Variants in DDX60 observed in about 807,000 individuals in gnomAD.
DDX60 encodes probable ATP-dependent RNA helicase DDX60.
A neutral mutation model predicts 212.8 loss-of-function variants in DDX60; 165 were observed. The ratio of observed to expected loss-of-function variants is 0.78; its 90% CI spans 0.68 to 0.88. The LOEUF (loss-of-function observed/expected upper bound fraction) is 0.88. Among genes scored for constraint, DDX60 ranks in the 40% least tolerant of loss-of-function variants. DDX60 has a pLI of 0.00. For missense variants in DDX60, 1,905 were observed against 2,003.9 expected, an observed-to-expected ratio of 0.95 and a Z score of 0.94; for synonymous variants, 703 against 685.3, an observed-to-expected ratio of 1.03 and a Z score of -0.40.
intron 22 of DDX60, among the ~76,000 whole-genome samples, chr4:168,264,755 T>G (rs952514601): frequency 1.3e-5 from 2 of 152,178 alleles, no homozygotes; most frequent in African/African-American, 2.4e-5. Flanking sequence ...CCCTTATAGT[T>G]CTTAATCTTT....
chr4:168,319,634 G>T (rs1031381781), upstream of DDX60, among the ~76,000 whole-genome samples: 1 of 152,142 alleles, frequency 6.6e-6, no homozygotes, highest in Admixed American at 6.5e-5. Flanking sequence ...GTTGATACTT[G>T]CAGTGTGGGT....
At chr4:168,301,339 C>T (rs1483840226) in intron 6 of DDX60, among the ~76,000 whole-genome samples, 2 of 150,122 alleles carry the variant, frequency 1.3e-5, no homozygotes, top group Admixed American at 6.6e-5. Flanking sequence ...CTTCTAAATG[C>T]CTTCTTCCTT....
chr4:168,276,940 A>G (rs1049207250), intron 14 of DDX60, among the ~76,000 whole-genome samples: 1 of 152,230 alleles, frequency 6.6e-6, no homozygotes, highest in Non-Finnish European at 1.5e-5. Context: ...CAGCAGAAAC[A>G]ATAGGAGGTT....
rs773281457 is a variant in DDX60 at position 168,255,771 on chromosome 4, G to A, written c.3497C>T (p.Ala1166Val). The A allele has an allele frequency of 1.9e-6, 3 of 1,605,164 alleles. No homozygotes were observed. Among genetic ancestry groups the A allele is most frequent in the South Asian group, 2.3e-5 (2 of 88,534 alleles). The change falls in exon 26 of 38, where the codon GCC becomes GTC. Residue 1166 changes from alanine to valine, a missense_variant. Ala to Val is a moderately conservative substitution (Grantham distance 64). Coordinates refer to ENST00000393743, the MANE Select transcript of DDX60 (RefSeq NM_017631.6). The stretch of plus-strand genomic sequence containing the variant: ...TCGAAGTTTGTTAGCCATGACATGG[G>A]CTTCTTTATCAGCTTTGGGAGGCCT... ...TKRPPKADKE[A>V]HVMANKLRKV...
rs567758899 is a variant in DDX60, at chr4:168,285,168, T to A, written c.1445+225A>T. ...AATAGGCATTCATTAATTCATTAAT[T>A]TAAAATATGCAGCTGTAGTGATTTA... On this transcript the variant is annotated intron_variant, in intron 11 of 37. Coordinates refer to ENST00000393743, the MANE Select transcript of DDX60 (RefSeq NM_017631.6). Among the ~76,000 whole-genome samples the A allele has an allele frequency of 5.3e-5, 8 of 152,330 alleles. No homozygotes were observed. The East Asian group carries it at 1.5e-3, about 29-fold the overall frequency.
chr4:168,311,408 T>C (rs1737129243), intron 1 of DDX60, 43 bp from the exon 2 acceptor site: 3 of 738,008 alleles, frequency 4.1e-6, no homozygotes, highest in East Asian at 2.7e-5. Context: ...TCAACAAACA[T>C]GTATTGAATG....
In DDX60 at chr4:168,234,819, G is replaced by A. The variant is rs954942330; in HGVS notation, c.4533+1433C>T. Among the ~76,000 whole-genome samples, 3 of 152,066 alleles carry A rather than the reference G, an allele frequency of 2.0e-5. No homozygotes were observed. The South Asian group carries it at 6.2e-4, about 31-fold the overall frequency. On this transcript the variant is annotated intron_variant, in intron 33 of 37. Coordinates refer to ENST00000393743, the MANE Select transcript of DDX60 (RefSeq NM_017631.6). ...CACAAGAGCGAATGCCCCCATTTTC[G>A]TGTTTGGCCAAGAGAGTGAAAGTAT...
the DDX60 span, among the ~76,000 whole-genome samples, chr4:168,325,607 A>G: frequency 1.3e-5 from 2 of 151,844 alleles, no homozygotes; most frequent in South Asian, 4.2e-4. Flanking sequence ...TAAAATTAAA[A>G]TGAGTACACT....
chr4:168,273,466 G>C, intron 17 of DDX60, 68 bp from the exon 18 acceptor site: 3 of 1,590,564 alleles, frequency 1.9e-6, no homozygotes, highest in Non-Finnish European at 2.6e-6. Flanking sequence ...AGGACAACAA[G>C]AACTGTCTAA....
At chr4:168,250,795 T>G (rs113156999) in intron 28 of DDX60, among the ~76,000 whole-genome samples, 159 bp downstream of exon 28, 12,587 of 151,856 alleles carry the variant, frequency 0.083, 660 homozygotes, top group East Asian at 0.15. Context: ...AAAGTGCTGG[T>G]ATTATAGGTA....
chr4:168,285,968 AT>A (rs1735824781), intron 10 of DDX60, among the ~76,000 whole-genome samples: 4 of 82,506 alleles, frequency 4.8e-5, no homozygotes, highest in African/African-American at 1.6e-4. Flanking sequence ...AAAGGAAAGA[AT>A]GAAAGAAAGA....
At chr4:168,320,890 T>C (rs1737589125), upstream of DDX60, among the ~76,000 whole-genome samples, 1 of 152,214 alleles carries the variant, frequency 6.6e-6, no homozygotes. Flanking sequence ...TCTAACCCAA[T>C]GGCCTATCTA....
chr4:168,315,043 T>C (rs975883078), intron 1 of DDX60, among the ~76,000 whole-genome samples: 3 of 152,218 alleles, frequency 2.0e-5, no homozygotes, highest in Admixed American at 6.5e-5. Flanking sequence ...GTTGGCCGAC[T>C]ACTTGCATTT....
At chr4:168,319,223 TAAAAG>T (rs1737540970), upstream of DDX60, among the ~76,000 whole-genome samples, 2 of 151,940 alleles carry the variant, frequency 1.3e-5, no homozygotes, top group African/African-American at 2.4e-5. Context: ...AAAAAAACCT[TAAAAG>T]AGAGAGACAA....
rs762809757 is a variant in DDX60 at position 168,274,021 on chromosome 4, T to C, written c.2367A>G (p.Ser789=). The change falls in exon 17 of 38, where the codon TCA becomes TCG. Residue 789 remains serine, a synonymous_variant. Coordinates refer to ENST00000393743, the MANE Select transcript of DDX60 (RefSeq NM_017631.6). ...AGTAGTAGGAGGCATAGGTTTTGCC[T>C]GAGGACGTTGGGGCAACAATCACTG... ...ESAVIVAPTS[S]GKTYASYYCM... 10 of 1,614,218 alleles carry C rather than the reference T, an allele frequency of 6.2e-6. No homozygotes were observed. The highest frequency in any genetic ancestry group is 7.6e-6 in the Non-Finnish European group (9 of 1,180,020).
chr4:168,262,263 C>T, intron 23 of DDX60, 135 bp from the exon 24 acceptor site: 1 of 890,868 alleles, frequency 1.1e-6, no homozygotes, highest in Non-Finnish European at 1.6e-6. Context: ...CTCCACATGG[C>T]TTCTAATGCA....
intron 15 of DDX60, among the ~76,000 whole-genome samples, chr4:168,275,729 T>C (rs1335315280): frequency 6.6e-6 from 1 of 152,182 alleles, no homozygotes; most frequent in Non-Finnish European, 1.5e-5. Context: ...TTAAAGACAA[T>C]TGAATAATCA....
At chr4:168,217,066 T>C (rs1430610573) in intron 37 of DDX60, 34 bp from the exon 38 acceptor site, 2 of 1,368,686 alleles carry the variant, frequency 1.5e-6, no homozygotes, top group African/African-American at 1.5e-5. Context: ...GGATCCACTT[T>C]AGTGAGATTG....
intron 9 of DDX60, among the ~76,000 whole-genome samples, chr4:168,287,941 C>T (rs915644163): frequency 1.3e-5 from 2 of 152,044 alleles, no homozygotes; most frequent in African/African-American, 4.8e-5. Flanking sequence ...GCTGGACACG[C>T]AAACATATAT....
Sources: gnomAD v4.1 joint callset for allele counts (sites outside exome capture counted in the v4.1 genomes callset) on GRCh38, gnomAD v4.1.1 for gene constraint, MANE v1.5 for transcripts, NCBI Gene and HGNC (gene_info 2026-07-23, HGNC 2026-07-21) for gene names.